The following LINGO2 variants were observed in gnomAD, a reference collection of about 807,000 sequenced individuals.
LINGO2 encodes the protein leucine rich repeat and Ig domain containing 2.
LINGO2 carries 14 observed loss-of-function variants against 30.6 expected under a neutral mutation model. The ratio of observed to expected loss-of-function variants is 0.46; its 90% CI spans 0.30 to 0.72. The LOEUF (loss-of-function observed/expected upper bound fraction) is 0.72, where lower values mean the gene tolerates loss of function less well. Among genes scored for constraint, LINGO2 ranks in the 30% least tolerant of loss-of-function variants. The pLI, the probability that LINGO2 is intolerant of heterozygous loss-of-function variation, is 0.07. For synonymous variants in LINGO2, 317 were observed against 288.5 expected, an observed-to-expected ratio of 1.10 and a Z score of -1.00; for missense variants, 729 against 751.7, an observed-to-expected ratio of 0.97 and a Z score of 0.35.
At chr9:28,848,321 G>GTA in the LINGO2 span, among the ~76,000 whole-genome samples, 4 of 125,584 alleles carry the variant, frequency 3.2e-5, no homozygotes, top group African/African-American at 8.8e-5. Flanking sequence ...CATATATAGT[G>GTA]TATATATATA....
At chr9:28,156,996 T>G (rs1160389060) in intron 4 of LINGO2, among the ~76,000 whole-genome samples, 1 of 152,178 alleles carries the variant, frequency 6.6e-6, no homozygotes, top group East Asian at 1.9e-4. Flanking sequence ...CTTTTCCAGG[T>G]GCGTGGTGCA....
In LINGO2 at chr9:28,274,807, T is replaced by A. The variant is rs577767153; in HGVS notation, c.-87+20401A>T. The stretch of plus-strand genomic sequence containing the variant: ...AACTTCAGGAACAAGATATCCCAGT[T>A]ACTACTGGTACCTTTTCTCAGGGTG... On this transcript the variant is annotated intron_variant, in intron 4 of 5. Coordinates refer to ENST00000379992, the Ensembl canonical transcript of LINGO2. 6.6e-5 allele frequency among the ~76,000 whole-genome samples: 10 copies of A among 152,316 alleles called. No individual in the cohort carries two copies. The East Asian group carries it at 1.7e-3, about 26-fold the overall frequency.
the LINGO2 span, among the ~76,000 whole-genome samples, chr9:29,103,402 C>G: frequency 6.6e-6 from 1 of 151,804 alleles, no homozygotes; most frequent in Non-Finnish European, 1.5e-5. Context: ...ATCAAAATTT[C>G]TTCATTTTAA....
the LINGO2 span, among the ~76,000 whole-genome samples, chr9:28,871,562 G>A: frequency 6.6e-6 from 1 of 151,768 alleles, no homozygotes; most frequent in East Asian, 1.9e-4. Flanking sequence ...TATATTTTAT[G>A]TAATATATAA....
At chr9:28,621,819 TTAAG>T (rs1190671225) in intron 1 of LINGO2, among the ~76,000 whole-genome samples, 2 of 152,016 alleles carry the variant, frequency 1.3e-5, no homozygotes, top group Non-Finnish European at 2.9e-5. Context: ...TGTATATATA[TTAAG>T]TGTGTCACAG....
chr9:28,175,990 G>C (rs930494361), intron 4 of LINGO2, among the ~76,000 whole-genome samples: 1 of 152,162 alleles, frequency 6.6e-6, no homozygotes, highest in Non-Finnish European at 1.5e-5. Context: ...CCTGAAGGTA[G>C]GAATGATTAC....
chr9:29,181,664 A>G, the LINGO2 span, among the ~76,000 whole-genome samples: 94 of 152,318 alleles, frequency 6.2e-4, 1 homozygote, highest in African/African-American at 2.2e-3. Context: ...TGTACTAGGA[A>G]ACAAAGTACA....
chr9:28,967,073 C>CA, the LINGO2 span, among the ~76,000 whole-genome samples: 2 of 152,118 alleles, frequency 1.3e-5, no homozygotes, highest in African/African-American at 4.8e-5. Context: ...ACCATACAGT[C>CA]TGCAAGCTGT....
At chr9:28,503,855 G>A (rs141751315) in intron 1 of LINGO2, among the ~76,000 whole-genome samples, 103 of 151,158 alleles carry the variant, frequency 6.8e-4, no homozygotes, top group South Asian at 2.1e-3. Flanking sequence ...AAAAAGATAC[G>A]GGGGGAAAAA....
the LINGO2 span, among the ~76,000 whole-genome samples, chr9:29,159,185 C>A: frequency 1.1e-4 from 16 of 152,258 alleles, no homozygotes; most frequent in South Asian, 3.3e-3. Context: ...GACTGGAACC[C>A]TAAGCATCAG....
At chr9:27,970,241 G>A (rs955270835) in intron 5 of LINGO2, among the ~76,000 whole-genome samples, 1 of 152,106 alleles carries the variant, frequency 6.6e-6, no homozygotes, top group African/African-American at 2.4e-5. Flanking sequence ...AGTCAAAGGA[G>A]GACATATGGC....
At chr9:28,900,919 A>G in the LINGO2 span, among the ~76,000 whole-genome samples, 1 of 152,204 alleles carries the variant, frequency 6.6e-6, no homozygotes, top group Non-Finnish European at 1.5e-5. Flanking sequence ...AAGGAAAATA[A>G]TAAGTGACGA....
chr9:29,105,289 C>T, the LINGO2 span, among the ~76,000 whole-genome samples: 3 of 152,214 alleles, frequency 2.0e-5, no homozygotes, highest in African/African-American at 2.4e-5. Context: ...TAAATTGTCA[C>T]GTCAGTTTAA....
At chr9:28,712,771 T>A in the LINGO2 span, among the ~76,000 whole-genome samples, 1 of 151,976 alleles carries the variant, frequency 6.6e-6, no homozygotes, top group South Asian at 2.1e-4. Context: ...TAGCAAACAT[T>A]TTTGTTGCAT....
intron 1 of LINGO2, among the ~76,000 whole-genome samples, chr9:28,549,528 C>A (rs1395531315): frequency 6.6e-6 from 1 of 151,888 alleles, no homozygotes; most frequent in African/African-American, 2.4e-5. Context: ...TATGCTTTTA[C>A]TAGATATTTT....
At chr9:28,514,833 C>G (rs1416197234) in intron 1 of LINGO2, among the ~76,000 whole-genome samples, 3 of 152,052 alleles carry the variant, frequency 2.0e-5, no homozygotes, top group Non-Finnish European at 2.9e-5. Flanking sequence ...GTAGACAAAA[C>G]AGCAGCTGTT....
intron 2 of LINGO2, among the ~76,000 whole-genome samples, chr9:28,426,048 T>A (rs1332960709): frequency 6.6e-6 from 1 of 152,084 alleles, no homozygotes; most frequent in African/African-American, 2.4e-5. Flanking sequence ...GTGGAACACA[T>A]TGAAGATACT....
the LINGO2 span, among the ~76,000 whole-genome samples, chr9:28,979,616 T>C: frequency 1.3e-5 from 2 of 152,128 alleles, no homozygotes; most frequent in South Asian, 2.1e-4. Flanking sequence ...GATGTCTAGA[T>C]TGAATACTAT....
chr9:28,391,761 T>G (rs1821843288), intron 2 of LINGO2, among the ~76,000 whole-genome samples: 1 of 152,146 alleles, frequency 6.6e-6, no homozygotes, highest in African/African-American at 2.4e-5. Flanking sequence ...ATAATTATTT[T>G]TGAATATACC....
Sources: allele counts gnomAD v4.1 joint callset (sites outside exome capture counted in the v4.1 genomes callset), GRCh38; gene constraint gnomAD v4.1.1; transcripts MANE v1.5; gene names NCBI Gene and HGNC (gene_info 2026-07-23, HGNC 2026-07-21).